PANK1: variants seen among roughly 807,000 people sequenced by gnomAD.
The protein encoded by PANK1 is pantothenic acid kinase 1.
PANK1 carries 18 observed loss-of-function variants against 40.1 expected under a neutral mutation model. That is an observed-to-expected ratio of 0.45 (90% confidence interval 0.31 to 0.67). PANK1 has a LOEUF of 0.67. PANK1 is among the 30% of genes least tolerant of loss of function. The pLI is 0.06. For synonymous variants in PANK1, 242 were observed against 237.7 expected (o/e 1.02, Z -0.17); for missense variants, 457 against 599.6 (o/e 0.76, Z 2.48).
intron 1 of PANK1, among the ~76,000 whole-genome samples, chr10:89,637,421 G>T (rs1486654267): frequency 6.6e-6 from 1 of 152,194 alleles, no homozygotes; most frequent in African/African-American, 2.4e-5. Context: ...ACAGACCTAG[G>T]CTATATGGTA....
chr10:89,614,809 G>A (rs1218980986), intron 1 of PANK1, among the ~76,000 whole-genome samples: 1 of 151,372 alleles, frequency 6.6e-6, no homozygotes. Flanking sequence ...AAAAAAAAAA[G>A]AGTGAAATGT....
downstream of PANK1, chr10:89,580,334 G>C (rs1844030560): frequency 6.6e-6 from 1 of 152,218 alleles, no homozygotes; most frequent in Non-Finnish European, 1.5e-5. Flanking sequence ...TTTGAAACCT[G>C]ATTATTTCTA....
intron 6 of PANK1, among the ~76,000 whole-genome samples, chr10:89,587,696 G>C (rs976011882): frequency 6.6e-6 from 1 of 152,126 alleles, no homozygotes; most frequent in African/African-American, 2.4e-5. Context: ...CAAAAGATTG[G>C]TAAGTAAGTG....
chr10:89,615,314 C>T (rs147889116), intron 1 of PANK1, among the ~76,000 whole-genome samples: 2 of 152,194 alleles, frequency 1.3e-5, no homozygotes, highest in Non-Finnish European at 2.9e-5. Context: ...GAAGAGCCTG[C>T]ACATAACCTT....
intron 2 of PANK1, among the ~76,000 whole-genome samples, chr10:89,607,666 T>A (rs1307137786): frequency 6.6e-6 from 1 of 152,222 alleles, no homozygotes; most frequent in Non-Finnish European, 1.5e-5. Flanking sequence ...TTTCTGATGT[T>A]AAAAATACCT....
chr10:89,604,895 T>C lies in PANK1; in HGVS notation c.646-5390A>G, dbSNP rs781066335. Among the ~76,000 whole-genome samples, 546 of 151,514 alleles carry C rather than the reference T, an allele frequency of 3.6e-3. 2 individuals are homozygous for C. The highest frequency in any genetic ancestry group is 6.2e-3 in the Non-Finnish European group (421 of 67,886). On this transcript the variant is annotated intron_variant, in intron 2 of 6. Coordinates refer to ENST00000307534, the MANE Select transcript of PANK1 (RefSeq NM_148977.3). ...CCTCCCGAGTAGCTGGGACTACAGG[T>C]GCCTGCCACCACACCTGGCTATTTT...
At chr10:89,607,939 A>G (rs1845019697) in intron 2 of PANK1, among the ~76,000 whole-genome samples, 2 of 151,964 alleles carry the variant, frequency 1.3e-5, no homozygotes, top group African/African-American at 4.8e-5. Context: ...AGTTAGGCTA[A>G]GTTTTTCTTC....
intron 1 of PANK1, among the ~76,000 whole-genome samples, chr10:89,615,229 C>T (rs1010908558): frequency 3.9e-5 from 6 of 152,158 alleles, no homozygotes; most frequent in African/African-American, 1.4e-4. Flanking sequence ...GCTACGTAAA[C>T]CCCAGAAAAC....
intron 1 of PANK1, among the ~76,000 whole-genome samples, chr10:89,635,815 C>T (rs142181091): frequency 1.1e-3 from 171 of 152,306 alleles, no homozygotes; most frequent in Admixed American, 2.0e-3. Flanking sequence ...AAAGGATAGA[C>T]ATTCCCATTC....
chr10:89,605,785 C>T (rs370075962), intron 2 of PANK1, among the ~76,000 whole-genome samples: 56 of 151,970 alleles, frequency 3.7e-4, no homozygotes, highest in African/African-American at 1.3e-3. Context: ...TTGATTTTAC[C>T]CAGATCCATC....
At chr10:89,603,895 G>A (rs1844861879) in intron 2 of PANK1, among the ~76,000 whole-genome samples, 1 of 152,166 alleles carries the variant, frequency 6.6e-6, no homozygotes, top group South Asian at 2.1e-4. Context: ...TTATGCTCCT[G>A]CAATATCACA....
In PANK1 at chr10:89,592,768, A is replaced by G. The variant is rs748277679; in HGVS notation, c.1200+429T>C. ...GCTCTCTGTGCTTTGATAGCCCTGT[A>G]CAATGCTGCTTGAACTCCATGCCAC... On this transcript the variant is annotated intron_variant, in intron 5 of 6. Transcript: ENST00000307534. 7.5e-6 allele frequency: 4 copies of G among 535,444 alleles called. 1 individual carries two copies. The highest frequency in any genetic ancestry group is 5.6e-5 in the South Asian group (4 of 71,578). 33.2% of individuals were successfully genotyped at this position (535,444 alleles called of 1,614,324 possible).
intron 1 of PANK1, among the ~76,000 whole-genome samples, chr10:89,636,316 G>GTTGTTATTA (rs1554843169): frequency 1.6e-5 from 1 of 63,938 alleles, no homozygotes; most frequent in Non-Finnish European, 4.7e-5. Context: ...TGCATCCACA[G>GTTGTTATTA]TTATTATTAT....
rs79543414 is a variant in PANK1 at position 89,596,263 on chromosome 10, C to A, written c.900-2274G>T. 2.0e-3 allele frequency among the ~76,000 whole-genome samples: 298 copies of A among 152,146 alleles called. 14 individuals are homozygous for A. In the East Asian group the frequency reaches 0.054, roughly 27 times the overall value. ...TTCTAGCTTCTAAATATCTGTCATC[C>A]CCATGAATAATCTTTCTTTGGACAT... On this transcript the variant is annotated intron_variant, in intron 3 of 6. Transcript: ENST00000307534.
At chr10:89,621,304 T>TAA (rs11400272) in intron 1 of PANK1, among the ~76,000 whole-genome samples, 205 of 146,966 alleles carry the variant, frequency 1.4e-3, no homozygotes, top group African/African-American at 3.9e-3. Flanking sequence ...CTCTGTCTCA[T>TAA]AAAAAAAAAA....
At chr10:89,580,410 A>C (rs1358954413), downstream of PANK1, 1 of 152,214 alleles carries the variant, frequency 6.6e-6, no homozygotes, top group Non-Finnish European at 1.5e-5. Flanking sequence ...CAATGTTAGC[A>C]TGGAAGACAA....
In PANK1 at chr10:89,611,821, G is replaced by A. The variant is rs765149494; in HGVS notation, c.520C>T (p.Arg174Cys). 1.7e-5 allele frequency: 27 copies of A among 1,614,192 alleles called. No homozygotes were observed. The highest frequency in any genetic ancestry group is 2.7e-5 in the African/African-American group (2 of 75,040). ...CGRKGNLHFI[R>C]FPSCAMHRFI... ...CTGTGCATAGCACAGCTGGGAAAGC[G>A]GATGAAGTGCAGGTTCCCTTTGCGT... is the stretch of plus-strand genomic sequence containing the variant. The change falls in exon 2 of 7, where the codon CGC becomes TGC. Residue 174 changes from arginine to cysteine, a missense_variant. Coordinates refer to ENST00000307534, the MANE Select transcript of PANK1 (RefSeq NM_148977.3).
chr10:89,633,176 A>G (rs1459565463), intron 1 of PANK1, among the ~76,000 whole-genome samples: 1 of 152,106 alleles, frequency 6.6e-6, no homozygotes, highest in Non-Finnish European at 1.5e-5. Context: ...TCAAGTTATC[A>G]GCATAAGGAT....
At chr10:89,625,588 T>C (rs975786738) in intron 1 of PANK1, 25 of 152,230 alleles carry the variant, frequency 1.6e-4, no homozygotes, top group Admixed American at 1.6e-3. Flanking sequence ...ACAGTACTCA[T>C]GTATTTAGGT....
Sources: allele counts gnomAD v4.1 joint callset (sites outside exome capture counted in the v4.1 genomes callset), GRCh38; gene constraint gnomAD v4.1.1; transcripts MANE v1.5; gene names NCBI Gene and HGNC (gene_info 2026-07-23, HGNC 2026-07-21).